Variants in ELOVL6 observed in about 807,000 individuals in gnomAD.
ELOVL6 encodes ELOVL fatty acid elongase 6, also known as very long chain fatty acid elongase 6.
Under a neutral mutation model 31.7 loss-of-function variants are expected in ELOVL6, and 8 were observed. That is an observed-to-expected ratio of 0.25 (90% CI 0.15 to 0.45). ELOVL6 has a LOEUF of 0.45. Among genes scored for constraint, ELOVL6 ranks in the 20% least tolerant of loss-of-function variants. The pLI, the probability that ELOVL6 is intolerant of heterozygous loss-of-function variation, is 1.00. For synonymous variants in ELOVL6, 101 were observed against 117.7 expected (o/e 0.86, Z 0.92); for missense variants, 126 against 326.4 (o/e 0.39, Z 4.73).
intron 1 of ELOVL6, among the ~76,000 whole-genome samples, chr4:110,160,431 T>C (rs1037108152): frequency 6.6e-6 from 1 of 152,232 alleles, no homozygotes; most frequent in Non-Finnish European, 1.5e-5. Flanking sequence ...AGACATGCTA[T>C]GTATATACAA....
intron 2 of ELOVL6, among the ~76,000 whole-genome samples, chr4:110,083,946 C>CAT (rs142468990): frequency 0.5 from 11,528 of 22,920 alleles, 1,722 homozygotes; most frequent in South Asian, 0.59. Flanking sequence ...ATATATATAA[C>CAT]ATGTTATATA....
At chr4:110,165,852 A>G (rs1219252557) in intron 1 of ELOVL6, among the ~76,000 whole-genome samples, 1 of 152,188 alleles carries the variant, frequency 6.6e-6, no homozygotes, top group Non-Finnish European at 1.5e-5. Context: ...CTAATTCCCC[A>G]AGGACAATCC....
intron 1 of ELOVL6, among the ~76,000 whole-genome samples, chr4:110,149,463 T>A (rs533126269): frequency 2.0e-5 from 3 of 152,212 alleles, no homozygotes; most frequent in Non-Finnish European, 4.4e-5. Flanking sequence ...AAGATTGAGA[T>A]CATGTCTTTT....
At chr4:110,052,991 A>G (rs1754874182) in intron 3 of ELOVL6, among the ~76,000 whole-genome samples, 1 of 152,196 alleles carries the variant, frequency 6.6e-6, no homozygotes, top group Non-Finnish European at 1.5e-5. Flanking sequence ...CCTGTCACCT[A>G]CGTGCCATCG....
At position 110,050,571 on chromosome 4, in the gene ELOVL6, A is replaced by C. The variant is rs887629232; in HGVS notation, c.*767T>G. 6.6e-6 allele frequency: 1 copy of C among 152,378 alleles called. No homozygotes were observed. The highest frequency in any genetic ancestry group is 2.4e-5 in the African/African-American group (1 of 41,448). 9.4% of individuals were successfully genotyped at this position (152,378 alleles called of 1,614,324 possible). A position where few individuals can be genotyped will look rare whatever the true frequency, so the allele number is the denominator to read the frequency against. ...ACTTAAGAGTAGAAATTACAGTTCA[A>C]CTATCAGAAATGCTCTGGGATGGAG... is the stretch of plus-strand genomic sequence containing the variant. On this transcript the variant is annotated 3_prime_UTR_variant, in exon 4 of 4. Coordinates refer to ENST00000302274, the MANE Select transcript of ELOVL6 (RefSeq NM_024090.3).
chr4:110,183,622 T>TA (rs961389194), intron 1 of ELOVL6, among the ~76,000 whole-genome samples: 4 of 151,760 alleles, frequency 2.6e-5, no homozygotes, highest in African/African-American at 9.6e-5. Context: ...ATTTTTTTTT[T>TA]ACCTCTTTAG....
intron 1 of ELOVL6, among the ~76,000 whole-genome samples, chr4:110,181,218 G>A (rs940371361): frequency 1.1e-4 from 16 of 152,066 alleles, no homozygotes; most frequent in African/African-American, 2.9e-4. Flanking sequence ...AGGCTGAGGC[G>A]GGTGGATTGC....
chr4:110,081,544 A>G (rs921099482), intron 2 of ELOVL6, among the ~76,000 whole-genome samples: 1 of 152,008 alleles, frequency 6.6e-6, no homozygotes, highest in Non-Finnish European at 1.5e-5. Context: ...AGTCATATGT[A>G]TAAAGCTGAA....
At chr4:110,077,027 G>A (rs1249003708) in intron 2 of ELOVL6, among the ~76,000 whole-genome samples, 2 of 152,144 alleles carry the variant, frequency 1.3e-5, no homozygotes, top group African/African-American at 4.8e-5. Context: ...AGGCCGCAGC[G>A]AGGCTGGGAG....
intron 1 of ELOVL6, among the ~76,000 whole-genome samples, chr4:110,175,492 T>G: frequency 6.6e-6 from 1 of 152,128 alleles, no homozygotes. Flanking sequence ...TGTGTAAAAT[T>G]TTAAATACTG....
intron 1 of ELOVL6, among the ~76,000 whole-genome samples, chr4:110,148,757 C>T (rs201902958): frequency 2.5e-5 from 1 of 39,630 alleles, no homozygotes; most frequent in East Asian, 1.5e-3. Context: ...TAAATATATA[C>T]ACTTACTGTG....
intron 1 of ELOVL6, among the ~76,000 whole-genome samples, chr4:110,127,165 T>C (rs1757521795): frequency 1.3e-5 from 2 of 151,908 alleles, no homozygotes; most frequent in African/African-American, 2.4e-5. Flanking sequence ...TCCCAGCACT[T>C]TGGGAGGCCG....
At chr4:110,178,375 A>C (rs1354257947) in intron 1 of ELOVL6, among the ~76,000 whole-genome samples, 1 of 152,074 alleles carries the variant, frequency 6.6e-6, no homozygotes, top group Non-Finnish European at 1.5e-5. Context: ...GTGAAAACCC[A>C]TCTCTACTAA....
chr4:110,158,657 A>ATATATT, intron 1 of ELOVL6, among the ~76,000 whole-genome samples: 34 of 74,162 alleles, frequency 4.6e-4, no homozygotes, highest in African/African-American at 2.7e-3. Flanking sequence ...ATATATATAT[A>ATATATT]TTTTTTTTTT....
At chr4:110,193,843 G>A (rs530893430) in intron 1 of ELOVL6, among the ~76,000 whole-genome samples, 1 of 152,332 alleles carries the variant, frequency 6.6e-6, no homozygotes, top group South Asian at 2.1e-4. Flanking sequence ...AAGGCTGGAT[G>A]TGTGGAGAAT....
At chr4:110,085,899 T>C (rs1201134179) in intron 2 of ELOVL6, among the ~76,000 whole-genome samples, 1 of 152,174 alleles carries the variant, frequency 6.6e-6, no homozygotes, top group African/African-American at 2.4e-5. Context: ...GTACTTTTTG[T>C]AGAGATGGGG....
At chr4:110,111,930 T>C (rs1030468757) in intron 1 of ELOVL6, among the ~76,000 whole-genome samples, 1 of 152,238 alleles carries the variant, frequency 6.6e-6, no homozygotes, top group Non-Finnish European at 1.5e-5. Flanking sequence ...TTGTGAGGCA[T>C]GTGCCCAGTA....
chr4:110,193,679 G>T (rs34601932), intron 1 of ELOVL6, among the ~76,000 whole-genome samples: 1 of 151,930 alleles, frequency 6.6e-6, no homozygotes, highest in African/African-American at 2.4e-5. Flanking sequence ...GAATAAAAAG[G>T]CTTCCTCAGC....
At chr4:110,059,848 G>A in intron 2 of ELOVL6, 94 bp from the exon 3 acceptor site, 1 of 1,034,256 alleles carries the variant, frequency 9.7e-7, no homozygotes, top group East Asian at 2.5e-5. Context: ...CCACTGGCAG[G>A]AAATAGGCAT....
Sources: allele counts gnomAD v4.1 joint callset (sites outside exome capture counted in the v4.1 genomes callset), GRCh38; gene constraint gnomAD v4.1.1; transcripts MANE v1.5; gene names NCBI Gene and HGNC (gene_info 2026-07-23, HGNC 2026-07-21).